TNRC6B: variants seen among roughly 807,000 people sequenced by gnomAD.
TNRC6B encodes trinucleotide repeat-containing gene 6B protein.
A neutral mutation model predicts 203.6 loss-of-function variants in TNRC6B; 52 were observed. The observed-to-expected ratio is 0.26, with a 90% CI of 0.20 to 0.32. The LOEUF (loss-of-function observed/expected upper bound fraction) is 0.32. Among genes scored for constraint, TNRC6B ranks in the 10% least tolerant of loss-of-function variants. TNRC6B has a pLI of 1.00. For synonymous variants in TNRC6B, 838 were observed against 845.7 expected, an observed-to-expected ratio of 0.99 and a Z score of 0.16; for missense variants, 1,923 against 2,286.2, an observed-to-expected ratio of 0.84 and a Z score of 3.24.
chr22:40,243,135 C>T (rs2070055450), intron 1 of TNRC6B, among the ~76,000 whole-genome samples: 1 of 152,132 alleles, frequency 6.6e-6, no homozygotes, highest in South Asian at 2.1e-4. Flanking sequence ...TCCCAAAGTG[C>T]TGGGATTACA....
chr22:40,259,092 T>C (rs1399132711), intron 3 of TNRC6B, among the ~76,000 whole-genome samples: 1 of 152,234 alleles, frequency 6.6e-6, no homozygotes, highest in Non-Finnish European at 1.5e-5. Flanking sequence ...TAAAAGGGGA[T>C]TGCGAATGCC....
chr22:40,144,163 T>C (rs1047397289), intron 3 of TNRC6B, among the ~76,000 whole-genome samples: 1 of 152,214 alleles, frequency 6.6e-6, no homozygotes, highest in African/African-American at 2.4e-5. Context: ...TTTCATAAGC[T>C]TCTAAATAAT....
Position 40,329,548 on chromosome 22 carries a change from G to A in TNRC6B, c.*6307G>A, listed in dbSNP as rs1056490814. 6.6e-6 allele frequency: 1 copy of A among 151,580 alleles called. No individual in the cohort carries two copies. The highest frequency in any genetic ancestry group is 1.5e-5 in the Non-Finnish European group (1 of 67,934). The allele number at this position is 151,580 out of a possible 1,614,324, so 9.4% of individuals were successfully genotyped here. ...GTAATAACAATAAAAATTCAACATC[G>A]ACCCTCCCTAACCTGCTCACCATAC... On this transcript the variant is annotated 3_prime_UTR_variant, in exon 23 of 23. Transcript: ENST00000454349.
At chr22:40,099,879 T>C (rs1007652924) in intron 1 of TNRC6B, among the ~76,000 whole-genome samples, 17 of 151,834 alleles carry the variant, frequency 1.1e-4, no homozygotes, top group Admixed American at 5.3e-4. Context: ...GCCTCCCGAG[T>C]AGCTGGGACT....
intron 1 of TNRC6B, among the ~76,000 whole-genome samples, chr22:40,097,289 C>CTTTTTT (rs146026490): frequency 4.0e-5 from 6 of 150,454 alleles, no homozygotes; most frequent in African/African-American, 1.2e-4. Flanking sequence ...CAGGTGTGTC[C>CTTTTTT]TTTTTTTTTG....
intron 1 of TNRC6B, among the ~76,000 whole-genome samples, chr22:40,241,183 A>G (rs191640286): frequency 3.6e-4 from 55 of 152,302 alleles, no homozygotes; most frequent in Admixed American, 7.2e-4. Flanking sequence ...ATGATTTTAA[A>G]AAGCCTCTTT....
intron 3 of TNRC6B, among the ~76,000 whole-genome samples, chr22:40,139,148 A>G (rs73165039): frequency 0.18 from 27,484 of 151,836 alleles, 3,274 homozygotes; most frequent in Admixed American, 0.32. Context: ...CCATCTCTAC[A>G]GAATCACCTA....
chr22:40,255,909 A>G (rs904284062), intron 3 of TNRC6B, among the ~76,000 whole-genome samples: 1 of 152,032 alleles, frequency 6.6e-6, no homozygotes, highest in Non-Finnish European at 1.5e-5. Flanking sequence ...CTGGAGTGCA[A>G]TGGCATGATC....
intron 15 of TNRC6B, among the ~76,000 whole-genome samples, chr22:40,308,130 C>G (rs1350638280): frequency 6.6e-6 from 1 of 152,186 alleles, no homozygotes; most frequent in Non-Finnish European, 1.5e-5. Context: ...TTTCCTCCCC[C>G]AAGATACCCT....
intron 3 of TNRC6B, among the ~76,000 whole-genome samples, chr22:40,254,690 T>A (rs577305123): frequency 3.3e-5 from 5 of 152,200 alleles, no homozygotes; most frequent in Admixed American, 1.3e-4. Flanking sequence ...GATCGAGACC[T>A]TCCTGGCTAA....
intron 3 of TNRC6B, among the ~76,000 whole-genome samples, chr22:40,154,840 C>CAAAAAAAA (rs57206167): frequency 3.4e-5 from 1 of 29,236 alleles, no homozygotes. Flanking sequence ...GACTCTATCT[C>CAAAAAAAA]AAAAAAAAAA....
In TNRC6B at chr22:40,308,533, A is replaced by T. The variant is rs150650418; in HGVS notation, c.4142A>T (p.Asp1381Val). 5 of 1,613,952 alleles carry T rather than the reference A, an allele frequency of 3.1e-6. No individual in the cohort carries two copies. Among genetic ancestry groups the T allele is most frequent in the African/African-American group, 1.3e-5 (1 of 75,046 alleles). Reference sequence around the variant, plus strand: ...TTAGGCTTCAGCTCTGGCGGCATGGACTATGGCATGGTTGGTGGGAAGGAG... The same window carrying T: ...TTAGGCTTCAGCTCTGGCGGCATGGTCTATGGCATGGTTGGTGGGAAGGAG... Reference protein sequence around the residue: ...YGSGFSSGGMDYGMVGGKEAG... With the variant: ...YGSGFSSGGMVYGMVGGKEAG... The change falls in exon 16 of 23, where the codon GAC becomes GTC. Residue 1381 changes from aspartate to valine, a missense_variant. Coordinates refer to ENST00000454349, the MANE Select transcript of TNRC6B (RefSeq NM_001162501.2).
rs899787439 is a variant in TNRC6B at position 40,265,302 on chromosome 22, G to T, written c.1072G>T (p.Val358Phe). 61 of 1,613,906 alleles carry T rather than the reference G, an allele frequency of 3.8e-5. No individual in the cohort carries two copies. Among genetic ancestry groups the T allele is most frequent in the Non-Finnish European group, 5.1e-5 (60 of 1,179,896 alleles). The change falls in exon 5 of 23, where the codon GTT becomes TTT. Residue 358 changes from valine (V) to phenylalanine (F), a missense_variant. By Grantham distance (50) the Val-to-Phe change is conservative. Transcript: ENST00000454349. The part of the protein sequence containing the change: ...SKMENAGVNF[V>F]VSGREQAQIH... Reference sequence around the variant, plus strand: ...GATGGAAAATGCGGGTGTTAATTTTGTTGTCTCTGGCAGAGAACAGGCTCA... The same window carrying T: ...GATGGAAAATGCGGGTGTTAATTTTTTTGTCTCTGGCAGAGAACAGGCTCA...
At chr22:40,161,432 G>A (rs1224621257) in intron 4 of TNRC6B, among the ~76,000 whole-genome samples, 1 of 152,050 alleles carries the variant, frequency 6.6e-6, no homozygotes, top group East Asian at 1.9e-4. Context: ...GTAATGATTA[G>A]GACTAAAATT....
intron 1 of TNRC6B, among the ~76,000 whole-genome samples, chr22:40,074,771 T>C (rs1339777464): frequency 6.7e-6 from 1 of 149,606 alleles, no homozygotes. Flanking sequence ...AGAGCAAGAC[T>C]CCGTCTCCAA....
At chr22:40,162,060 T>C (rs12484438) in intron 4 of TNRC6B, among the ~76,000 whole-genome samples, 44,605 of 152,084 alleles carry the variant, frequency 0.29, 7,580 homozygotes, top group South Asian at 0.45. Flanking sequence ...TAAAGGTTTG[T>C]GGGAAGATCA....
upstream of TNRC6B, among the ~76,000 whole-genome samples, chr22:40,174,677 T>G (rs1386875698): frequency 6.6e-6 from 1 of 152,000 alleles, no homozygotes; most frequent in Admixed American, 6.6e-5. Flanking sequence ...ACAAAAAAAT[T>G]AGCCGAGCGT....
rs370668921 is a variant in TNRC6B at position 40,301,082 on chromosome 22, C to T, written c.3937-68C>T. 4.4e-5 allele frequency: 69 copies of T among 1,562,866 alleles called. No homozygotes were observed. The Middle Eastern group carries it at 1.0e-3, about 23-fold the overall frequency. On this transcript the variant is annotated intron_variant, in intron 14 of 22. Transcript: ENST00000454349. ...GGCTTAGCCTCTGATGGCAAAGAAC[C>T]GGGCACAGTCTTTTCCTGGGAAGTT...
At chr22:40,072,715 T>C (rs1215326330) in intron 1 of TNRC6B, among the ~76,000 whole-genome samples, 1 of 151,842 alleles carries the variant, frequency 6.6e-6, no homozygotes, top group Non-Finnish European at 1.5e-5. Context: ...AATACAAAAA[T>C]TAGCCGGGCA....
Sources: gnomAD v4.1 joint callset for allele counts (sites outside exome capture counted in the v4.1 genomes callset) on GRCh38, gnomAD v4.1.1 for gene constraint, MANE v1.5 for transcripts, NCBI Gene and HGNC (gene_info 2026-07-23, HGNC 2026-07-21) for gene names.